The following MAP4K5 variants were observed in gnomAD, a reference collection of about 807,000 sequenced individuals.
The protein encoded by MAP4K5 is mitogen-activated protein kinase kinase kinase kinase 5.
In MAP4K5, 82 loss-of-function variants were observed where a neutral mutation model predicts 135.6. The observed-to-expected ratio is 0.60, with a 90% CI of 0.51 to 0.73. MAP4K5 has a LOEUF of 0.73. Among genes scored for constraint, MAP4K5 ranks in the 30% least tolerant of loss-of-function variants. MAP4K5 has a pLI of 0.00. For synonymous variants in MAP4K5, 347 were observed against 335.0 expected, an observed-to-expected ratio of 1.04 and a Z score of -0.39; for missense variants, 907 against 1,010.9, an observed-to-expected ratio of 0.90 and a Z score of 1.39.
intron 2 of MAP4K5, among the ~76,000 whole-genome samples, chr14:50,538,881 G>A (rs2356450): frequency 0.84 from 127,682 of 152,182 alleles, 55,572 homozygotes; most frequent in Non-Finnish European, 0.94. Flanking sequence ...ATTAACAAGT[G>A]CTATCATACT....
intron 5 of MAP4K5, among the ~76,000 whole-genome samples, chr14:50,483,494 C>A (rs1051385910): frequency 1.3e-5 from 2 of 151,788 alleles, no homozygotes. Flanking sequence ...ATTTTTGATT[C>A]TTAGTAACAT....
chr14:50,463,946 G>T (rs1332238964), intron 12 of MAP4K5, 106 bp downstream of exon 12: 73 of 417,958 alleles, frequency 1.7e-4, no homozygotes, highest in Non-Finnish European at 2.5e-4. Flanking sequence ...GACCCCTGCT[G>T]TAAGAGATCA....
chr14:50,486,314 G>T, intron 3 of MAP4K5, 120 bp from the exon 4 acceptor site: 2 of 491,258 alleles, frequency 4.1e-6, no homozygotes, highest in East Asian at 3.8e-5. Context: ...ATACTTCAAT[G>T]AAAATGTAAA....
At chr14:50,449,002 A>G in intron 14 of MAP4K5, 170 bp from the exon 15 acceptor site, 1 of 543,508 alleles carries the variant, frequency 1.8e-6, no homozygotes. Context: ...ATGCTTACCA[A>G]AAGTAAATAA....
At chr14:50,548,579 G>A (rs1191826040) in intron 1 of MAP4K5, among the ~76,000 whole-genome samples, 2 of 152,032 alleles carry the variant, frequency 1.3e-5, no homozygotes, top group Admixed American at 6.5e-5. Context: ...GCGTGATCTC[G>A]GGTCACTGCA....
intron 2 of MAP4K5, among the ~76,000 whole-genome samples, chr14:50,519,940 CT>C (rs1331578320): frequency 6.6e-6 from 1 of 152,116 alleles, no homozygotes; most frequent in Non-Finnish European, 1.5e-5. Flanking sequence ...TAAAAGATGT[CT>C]TTAAAAATAT....
intron 30 of MAP4K5, among the ~76,000 whole-genome samples, chr14:50,426,621 C>T (rs1000817179): frequency 1.3e-5 from 2 of 152,062 alleles, no homozygotes; most frequent in Non-Finnish European, 1.5e-5. Context: ...CTACTCAGGA[C>T]GCTGAAACGG....
intron 1 of MAP4K5, among the ~76,000 whole-genome samples, chr14:50,554,727 G>A (rs1238312520): frequency 6.6e-6 from 1 of 152,216 alleles, no homozygotes; most frequent in Non-Finnish European, 1.5e-5. Context: ...GTTTAGAGAT[G>A]GGAGGTGGCA....
In MAP4K5 at chr14:50,493,563, C is replaced by A. The variant is rs1246807647; in HGVS notation, c.167-7369G>T. Among the ~76,000 whole-genome samples, 7 of 151,696 alleles carry A rather than the reference C, an allele frequency of 4.6e-5. No individual in the cohort carries two copies. In the South Asian group the frequency reaches 1.3e-3, roughly 27 times the overall value. ...TCATATGTATAGAAAATCCTAAAGT[C>A]CATTAAAAAAATCTATTAGAACAAA... On this transcript the variant is annotated intron_variant, in intron 3 of 32. Transcript: ENST00000682126.
At chr14:50,539,490 A>G (rs552056495) in intron 2 of MAP4K5, among the ~76,000 whole-genome samples, 1 of 152,382 alleles carries the variant, frequency 6.6e-6, no homozygotes, top group East Asian at 1.9e-4. Context: ...GACCAAGTCC[A>G]GGGCCTGACT....
intron 2 of MAP4K5, among the ~76,000 whole-genome samples, chr14:50,541,369 G>A (rs1290217058): frequency 1.3e-5 from 2 of 152,148 alleles, no homozygotes; most frequent in Non-Finnish European, 2.9e-5. Flanking sequence ...ACTAATACCA[G>A]AGAACGAGAG....
chr14:50,423,998 C>T (rs149209301), intron 31 of MAP4K5, among the ~76,000 whole-genome samples: 5 of 152,226 alleles, frequency 3.3e-5, no homozygotes, highest in African/African-American at 1.2e-4. Flanking sequence ...TGGGAACTAG[C>T]TTATTAATGT....
chr14:50,520,973 C>T (rs1319046622), intron 2 of MAP4K5, among the ~76,000 whole-genome samples: 1 of 152,098 alleles, frequency 6.6e-6, no homozygotes, highest in Non-Finnish European at 1.5e-5. Flanking sequence ...CAGGCTTCCA[C>T]CACCACACCC....
intron 2 of MAP4K5, among the ~76,000 whole-genome samples, chr14:50,514,126 G>A (rs1160486199): frequency 6.6e-6 from 1 of 152,146 alleles, no homozygotes; most frequent in Non-Finnish European, 1.5e-5. Flanking sequence ...CACCCAGGCT[G>A]GAGCACAGTG....
chr14:50,447,304 C>T, intron 16 of MAP4K5, 110 bp downstream of exon 16: 1 of 635,962 alleles, frequency 1.6e-6, no homozygotes, highest in Non-Finnish European at 2.6e-6. Context: ...TCATTAATGG[C>T]ATAACTTTTT....
At chr14:50,429,079 G>T in intron 29 of MAP4K5, 113 bp downstream of exon 29, 1 of 679,374 alleles carries the variant, frequency 1.5e-6, no homozygotes, top group Non-Finnish European at 2.4e-6. Flanking sequence ...AATTACACAT[G>T]ATAAGTAACA....
At chr14:50,487,626 G>A (rs536789309) in intron 3 of MAP4K5, among the ~76,000 whole-genome samples, 3 of 152,164 alleles carry the variant, frequency 2.0e-5, no homozygotes, top group Non-Finnish European at 4.4e-5. Context: ...TGTTACAATT[G>A]AAAATGTGCT....
chr14:50,502,448 G>C (rs2037726522), intron 3 of MAP4K5, among the ~76,000 whole-genome samples: 1 of 152,054 alleles, frequency 6.6e-6, no homozygotes. Flanking sequence ...CAGTGTAAGA[G>C]GGAAAAAGGA....
intron 32 of MAP4K5, among the ~76,000 whole-genome samples, chr14:50,422,608 G>T (rs926041291): frequency 5.3e-5 from 8 of 152,012 alleles, no homozygotes; most frequent in African/African-American, 1.9e-4. Flanking sequence ...GTAGGCAGTA[G>T]ATTTTGGAAA....
Sources: gnomAD v4.1 joint callset for allele counts (sites outside exome capture counted in the v4.1 genomes callset) on GRCh38, gnomAD v4.1.1 for gene constraint, MANE v1.5 for transcripts, NCBI Gene and HGNC (gene_info 2026-07-23, HGNC 2026-07-21) for gene names.